The following PCDHA11 variants were observed in gnomAD, a reference collection of about 807,000 sequenced individuals.
PCDHA11 encodes the protein protocadherin alpha-11.
Under a neutral mutation model 70.3 loss-of-function variants are expected in PCDHA11, and 61 were observed. The ratio of observed to expected loss-of-function variants is 0.87; its 90% CI spans 0.71 to 1.07. PCDHA11 has a LOEUF of 1.07. Among genes scored for constraint, PCDHA11 ranks in the 50% least tolerant of loss-of-function variants. The pLI, the probability that PCDHA11 is intolerant of heterozygous loss-of-function variation, is 0.00. For synonymous variants in PCDHA11, 633 were observed against 555.1 expected (o/e 1.14, Z -1.97); for missense variants, 1,324 against 1,237.5 (o/e 1.07, Z -1.05).
rs1044322759 is a variant in PCDHA11 at position 140,877,540 on chromosome 5, G to C, written c.2391+6046G>C. 35 of 1,613,652 alleles carry C rather than the reference G, an allele frequency of 2.2e-5. No individual in the cohort carries two copies. Among genetic ancestry groups the C allele is most frequent in the Non-Finnish European group, 2.7e-5 (32 of 1,179,908 alleles). On this transcript the variant is annotated intron_variant, in intron 1 of 3. Coordinates refer to ENST00000398640, the MANE Select transcript of PCDHA11 (RefSeq NM_018902.5). ...GGCCTCAGTGGGCGCTGTGGATCCCGAAGCGGCTCTGGTGGATATTAACGT... is the reference window on the plus strand; with the variant it reads ...GGCCTCAGTGGGCGCTGTGGATCCCCAAGCGGCTCTGGTGGATATTAACGT...
At chr5:140,966,808 A>G (rs782040625) in intron 1 of PCDHA11, 5 of 1,548,024 alleles carry the variant, frequency 3.2e-6, no homozygotes, top group Non-Finnish European at 4.3e-6. Context: ...CAGAGCATCC[A>G]CGGCTCCGGC....
At chr5:140,888,488 C>T (rs1257053839) in intron 1 of PCDHA11, among the ~76,000 whole-genome samples, 2 of 152,204 alleles carry the variant, frequency 1.3e-5, no homozygotes, top group African/African-American at 2.4e-5. Context: ...TGTTGAGAAA[C>T]TCTGCTTTAA....
intron 1 of PCDHA11, 134 bp downstream of exon 1, chr5:140,871,628 T>C: frequency 7.1e-7 from 1 of 1,401,496 alleles, no homozygotes; most frequent in South Asian, 1.5e-5. Flanking sequence ...GATAACAATG[T>C]CTGTTCATAA....
rs1219444085 is a variant in PCDHA11 at position 141,010,861 on chromosome 5, A to G, written c.*924A>G. On this transcript the variant is annotated 3_prime_UTR_variant, in exon 4 of 4. Coordinates refer to ENST00000398640, the MANE Select transcript of PCDHA11 (RefSeq NM_018902.5). ...ATTTATTTAAAAAAAGAGAAAGTCTATAGCTATAAATCTTTAAAGAGAAAT... is the reference window on the plus strand; with the variant it reads ...ATTTATTTAAAAAAAGAGAAAGTCTGTAGCTATAAATCTTTAAAGAGAAAT... 9.1e-5 allele frequency: 14 copies of G among 153,794 alleles called. No individual in the cohort carries two copies. Among genetic ancestry groups the G allele is most frequent in the African/African-American group, 3.1e-4 (13 of 41,468 alleles). 9.5% of individuals were successfully genotyped at this position (153,794 alleles called of 1,614,324 possible).
intron 1 of PCDHA11, among the ~76,000 whole-genome samples, chr5:140,905,327 TG>T (rs2071747762): frequency 6.6e-6 from 1 of 152,202 alleles, no homozygotes; most frequent in Non-Finnish European, 1.5e-5. Context: ...TATGCTTTGT[TG>T]AAGATCAGTT....
intron 1 of PCDHA11, among the ~76,000 whole-genome samples, chr5:140,886,521 C>A (rs1056353739): frequency 5.9e-5 from 9 of 152,038 alleles, no homozygotes; most frequent in African/African-American, 1.9e-4. Flanking sequence ...TTAAGGTCTG[C>A]ATATTCAGTT....
chr5:140,946,019 C>CA (rs1222084270), intron 1 of PCDHA11, among the ~76,000 whole-genome samples: 3 of 151,732 alleles, frequency 2.0e-5, no homozygotes, highest in Non-Finnish European at 4.4e-5. Flanking sequence ...TCCTGCGCAG[C>CA]AAAGAAAACA....
intron 3 of PCDHA11, among the ~76,000 whole-genome samples, chr5:141,002,270 G>T (rs1304168184): frequency 6.6e-6 from 1 of 152,172 alleles, no homozygotes; most frequent in Non-Finnish European, 1.5e-5. Context: ...CCCAGAGCTG[G>T]TAACAAAGGG....
At chr5:140,953,527 A>T (rs531720224) in intron 1 of PCDHA11, among the ~76,000 whole-genome samples, 153 of 152,150 alleles carry the variant, frequency 1.0e-3, no homozygotes, top group African/African-American at 2.9e-3. Flanking sequence ...AAAACGGGAA[A>T]CTCACTTCAT....
In PCDHA11 at chr5:140,927,608, G is replaced by A. The variant is rs151084513; in HGVS notation, c.2392-51341G>A. ...CCTGTATTTGAGCGCTCCGTATACC[G>A]CACCAAGGTTCCAGAGACTGCACCC... On this transcript the variant is annotated intron_variant, in intron 1 of 3. Coordinates refer to ENST00000398640, the MANE Select transcript of PCDHA11 (RefSeq NM_018902.5). The A allele has an allele frequency of 2.2e-5, 35 of 1,614,050 alleles. No homozygotes were observed. In the African/African-American group the frequency reaches 4.4e-4, roughly 20 times the overall value.
Position 140,917,330 on chromosome 5 carries a change from A to AG in PCDHA11, c.2391+45844dup, listed in dbSNP as rs1425400137. Among the ~76,000 whole-genome samples the AG allele has an allele frequency of 2.5e-4, 26 of 103,228 alleles. 2 individuals carry two copies. The highest frequency in any genetic ancestry group is 3.2e-4 in the East Asian group (1 of 3,132). The allele number at this position is 103,228 out of a possible 152,430, so 67.7% of individuals were successfully genotyped here. On this transcript the variant is annotated intron_variant, in intron 1 of 3. Coordinates refer to ENST00000398640, the MANE Select transcript of PCDHA11 (RefSeq NM_018902.5). Reference sequence around the variant, plus strand: ...CAATTTGGTGTTCATGTGGCGGGGGAGGGGGGGGATGGTGTAGGCTTCTGT... The same window carrying AG: ...CAATTTGGTGTTCATGTGGCGGGGGAGGGGGGGGGATGGTGTAGGCTTCTGT...
At chr5:140,875,264 C>T (rs1017689371) in intron 1 of PCDHA11, 10 of 1,189,206 alleles carry the variant, frequency 8.4e-6, no homozygotes, top group Non-Finnish European at 1.0e-5. Flanking sequence ...TGATGTCGCT[C>T]TACACTCAGA....
In PCDHA11 at chr5:140,870,089, T is replaced by C. The variant is rs782364525; in HGVS notation, c.986T>C (p.Met329Thr). The C allele has an allele frequency of 2.5e-6, 4 of 1,613,796 alleles. No individual in the cohort carries two copies. The highest frequency in any genetic ancestry group is 3.4e-6 in the Non-Finnish European group (4 of 1,179,900). The change falls in exon 1 of 4, where the codon ATG becomes ACG. Residue 329 changes from methionine to threonine, a missense_variant. Physicochemically the swap from Met to Thr is moderately conservative, Grantham distance 81. Coordinates refer to ENST00000398640, the MANE Select transcript of PCDHA11 (RefSeq NM_018902.5). ...GCTACAGATAAGGGGACTCCCCCAA[T>C]GGCAGGTCACTGTACAGTCTGGGTG... ...VQATDKGTPP[M>T]AGHCTVWVEI...
At chr5:140,903,370 G>A (rs1185137848) in intron 1 of PCDHA11, among the ~76,000 whole-genome samples, 8 of 152,136 alleles carry the variant, frequency 5.3e-5, no homozygotes, top group African/African-American at 1.9e-4. Flanking sequence ...AAAAATATAG[G>A]GAGGATTGTG....
At chr5:140,877,443 C>T (rs376417721) in intron 1 of PCDHA11, 1 of 1,613,844 alleles carries the variant, frequency 6.2e-7, no homozygotes, top group East Asian at 2.2e-5. Flanking sequence ...ACGGTGAGCC[C>T]GCGCTGACGT....
At chr5:140,999,855 G>A (rs1019104615) in intron 3 of PCDHA11, among the ~76,000 whole-genome samples, 8 of 152,094 alleles carry the variant, frequency 5.3e-5, no homozygotes, top group Admixed American at 2.6e-4. Context: ...TATCTCTTCC[G>A]CTCCAAGATT....
At chr5:140,941,222 T>C (rs147673675) in intron 1 of PCDHA11, among the ~76,000 whole-genome samples, 3 of 116,858 alleles carry the variant, frequency 2.6e-5, no homozygotes, top group African/African-American at 6.4e-5. Flanking sequence ...TTCCTTTCTT[T>C]CTTTCTTTCT....
intron 1 of PCDHA11, among the ~76,000 whole-genome samples, chr5:140,889,404 G>A (rs565254911): frequency 2.0e-5 from 3 of 151,972 alleles, no homozygotes; most frequent in South Asian, 2.1e-4. Context: ...TAATTTACTC[G>A]AGTCAGTTAC....
chr5:140,884,656 G>T (rs782439139), intron 1 of PCDHA11: 8 of 1,602,178 alleles, frequency 5.0e-6, no homozygotes, highest in Non-Finnish European at 6.8e-6. Flanking sequence ...CAGAATGCTT[G>T]AAAGAGGTAA....
Sources: allele counts gnomAD v4.1 joint callset (sites outside exome capture counted in the v4.1 genomes callset), GRCh38; gene constraint gnomAD v4.1.1; transcripts MANE v1.5; gene names NCBI Gene and HGNC (gene_info 2026-07-23, HGNC 2026-07-21).